SERPINB12: variants seen among roughly 807,000 people sequenced by gnomAD.
The protein encoded by SERPINB12 is serpin family B member 12.
SERPINB12 carries 57 observed loss-of-function variants against 41.1 expected under a neutral mutation model. The observed-to-expected ratio is 1.39, with a 90% CI of 1.12 to 1.73. SERPINB12 has a LOEUF of 1.73. Among genes scored for constraint, SERPINB12 ranks in the 40% most tolerant of loss-of-function variants. SERPINB12 has a pLI of 0.00. For synonymous variants in SERPINB12, 180 were observed against 181.3 expected (o/e 0.99, Z 0.06); for missense variants, 536 against 501.9 (o/e 1.07, Z -0.65).
chr18:63,520,522 G>T, the SERPINB12 span, among the ~76,000 whole-genome samples: 712 of 152,286 alleles, frequency 4.7e-3, 9 homozygotes, highest in African/African-American at 0.016. Context: ...GCTGGCTGAG[G>T]AGTCAACAGG....
chr18:63,549,008 C>T (rs1018492406), intron 1 of SERPINB12, among the ~76,000 whole-genome samples: 2 of 151,804 alleles, frequency 1.3e-5, no homozygotes, highest in Admixed American at 1.3e-4. Flanking sequence ...AACTGGGAAG[C>T]TAATTTAAGT....
intron 2 of SERPINB12, among the ~76,000 whole-genome samples, chr18:63,556,676 T>A (rs2144333109): frequency 1.3e-5 from 2 of 152,248 alleles, no homozygotes; most frequent in East Asian, 3.8e-4. Context: ...TATGTGTATA[T>A]GTCTTCTGTC....
At chr18:63,526,208 G>A in the SERPINB12 span, among the ~76,000 whole-genome samples, 1 of 151,944 alleles carries the variant, frequency 6.6e-6, no homozygotes, top group African/African-American at 2.4e-5. Flanking sequence ...CATGAATTCT[G>A]GTTGAAAGCT....
At chr18:63,536,754 T>C in the SERPINB12 span, among the ~76,000 whole-genome samples, 13 of 152,168 alleles carry the variant, frequency 8.5e-5, no homozygotes, top group Non-Finnish European at 1.5e-5. Context: ...GTATTTTATA[T>C]ACATAAATTA....
the SERPINB12 span, among the ~76,000 whole-genome samples, chr18:63,526,200 T>C: frequency 1.3e-5 from 2 of 152,236 alleles, no homozygotes; most frequent in African/African-American, 4.8e-5. Context: ...AGCTCTTTCA[T>C]GAATTCTGGT....
chr18:63,525,508 T>A, the SERPINB12 span, among the ~76,000 whole-genome samples: 1 of 152,174 alleles, frequency 6.6e-6, no homozygotes, highest in African/African-American at 2.4e-5. Flanking sequence ...TATTTAGTTG[T>A]TCTATAAAAT....
the SERPINB12 span, among the ~76,000 whole-genome samples, chr18:63,526,031 A>T: frequency 6.6e-6 from 1 of 152,234 alleles, no homozygotes; most frequent in Non-Finnish European, 1.5e-5. Flanking sequence ...AACCCAGGAA[A>T]AAATGTATGC....
At chr18:63,553,300 T>A (rs964954285) in intron 1 of SERPINB12, among the ~76,000 whole-genome samples, 2 of 152,166 alleles carry the variant, frequency 1.3e-5, no homozygotes, top group African/African-American at 4.8e-5. Flanking sequence ...CATGAGGAAG[T>A]CTTAGCCTTG....
At chr18:63,539,658 A>C (rs2144542026), upstream of SERPINB12, among the ~76,000 whole-genome samples, 1 of 152,226 alleles carries the variant, frequency 6.6e-6, no homozygotes, top group South Asian at 2.1e-4. Context: ...TTTTGTGGGC[A>C]CGTACACCAA....
the SERPINB12 span, among the ~76,000 whole-genome samples, chr18:63,533,267 C>T: frequency 4.6e-3 from 696 of 152,306 alleles, 6 homozygotes; most frequent in African/African-American, 0.016. Flanking sequence ...TGAGCCACCA[C>T]GCCCGGCCTC....
intron 2 of SERPINB12, among the ~76,000 whole-genome samples, chr18:63,556,729 G>T (rs1438298063): frequency 6.6e-6 from 1 of 152,102 alleles, no homozygotes; most frequent in Non-Finnish European, 1.5e-5. Context: ...TACCATATAT[G>T]GTTCCAGTGG....
chr18:63,550,941 A>G (rs1910508714), intron 1 of SERPINB12, among the ~76,000 whole-genome samples: 1 of 152,108 alleles, frequency 6.6e-6, no homozygotes, highest in African/African-American at 2.4e-5. Context: ...TAGTTTTGCC[A>G]GTTTTGGAAC....
Position 63,566,859 on chromosome 18 carries a change from G to C in SERPINB12, c.1126G>C (p.Gly376Arg), listed in dbSNP as rs777575587. ...HKTFVEVDEN[G>R]TQAAAATGAV... The stretch of plus-strand genomic sequence containing the variant: ...AACCTTTGTGGAGGTGGATGAAAAC[G>C]GTACCCAGGCAGCTGCAGCCACTGG... Residue 376 changes from glycine to arginine, a missense_variant, in exon 8 of 8, where the codon GGT becomes CGT. Coordinates refer to ENST00000382768, the MANE Select transcript of SERPINB12 (RefSeq NM_001307928.2). The C allele has an allele frequency of 1.2e-6, 2 of 1,614,090 alleles. No individual in the cohort carries two copies. Among genetic ancestry groups the C allele is most frequent in the East Asian group, 4.5e-5 (2 of 44,890 alleles).
intron 2 of SERPINB12, among the ~76,000 whole-genome samples, chr18:63,557,480 G>A (rs1220408697): frequency 3.3e-5 from 5 of 152,202 alleles, no homozygotes; most frequent in East Asian, 1.9e-4. Flanking sequence ...CACATAGTGC[G>A]GGGGTTATGC....
chr18:63,543,317 A>C (rs1041583511), intron 1 of SERPINB12, among the ~76,000 whole-genome samples: 1 of 152,144 alleles, frequency 6.6e-6, no homozygotes, highest in African/African-American at 2.4e-5. Context: ...TCTAACCCTA[A>C]CCTGTGCCTT....
chr18:63,562,919 G>A (rs1910960620), intron 5 of SERPINB12, among the ~76,000 whole-genome samples: 1 of 152,210 alleles, frequency 6.6e-6, no homozygotes, highest in South Asian at 2.1e-4. Context: ...AGGAAAGGGT[G>A]TATACTAAAG....
chr18:63,546,571 A>G (rs1910392449), intron 1 of SERPINB12, among the ~76,000 whole-genome samples: 1 of 152,228 alleles, frequency 6.6e-6, no homozygotes, highest in Non-Finnish European at 1.5e-5. Flanking sequence ...AAATTCAAAT[A>G]TAAGAAATCA....
At chr18:63,528,736 G>T in the SERPINB12 span, among the ~76,000 whole-genome samples, 94 of 152,252 alleles carry the variant, frequency 6.2e-4, no homozygotes, top group African/African-American at 2.2e-3. Context: ...GGAAAAAAAT[G>T]AGGTCCTCAC....
At position 63,566,966 on chromosome 18, in the gene SERPINB12, C is replaced by G; in HGVS notation, c.1233C>G (p.Asn411Lys). Residue 411 changes from asparagine to lysine, a missense_variant, in exon 8 of 8, where the codon AAC becomes AAG. Transcript: ENST00000382768. ...NHPFLFFIRH[N>K]KTQTILFYGR... is the part of the protein sequence containing the mutation. ...CTTTTCTCTTTTTCATTAGACACAA[C>G]AAAACCCAAACCATTCTCTTTTATG... is the stretch of plus-strand genomic sequence containing the variant. 1 of 1,611,438 alleles carries G rather than the reference C, an allele frequency of 6.2e-7. No homozygotes were observed.
Sources: gnomAD v4.1 joint callset for allele counts (sites outside exome capture counted in the v4.1 genomes callset) on GRCh38, gnomAD v4.1.1 for gene constraint, MANE v1.5 for transcripts, NCBI Gene and HGNC (gene_info 2026-07-23, HGNC 2026-07-21) for gene names.